ABCD3: variants seen among roughly 807,000 people sequenced by gnomAD.
The protein encoded by ABCD3 is ATP-binding cassette sub-family D member 3.
Under a neutral mutation model 105.5 loss-of-function variants are expected in ABCD3, and 41 were observed. That is an observed-to-expected ratio of 0.39 (90% CI 0.30 to 0.50). The LOEUF (loss-of-function observed/expected upper bound fraction) is 0.50, where lower values mean the gene tolerates loss of function less well. ABCD3 is among the 20% of genes least tolerant of loss of function. The probability of loss-of-function intolerance (pLI) is 0.84; values close to 1 mark genes in which losing one functional copy is unlikely to be tolerated. For missense variants in ABCD3, 622 were observed against 806.3 expected, an observed-to-expected ratio of 0.77 and a Z score of 2.77; for synonymous variants, 258 against 269.0, an observed-to-expected ratio of 0.96 and a Z score of 0.40.
chr1:94,504,223 T>C (rs1008388485), intron 20 of ABCD3, among the ~76,000 whole-genome samples: 1 of 151,866 alleles, frequency 6.6e-6, no homozygotes, highest in African/African-American at 2.4e-5. Flanking sequence ...GTACAAGCAA[T>C]TCTTGTTCCT....
intron 1 of ABCD3, among the ~76,000 whole-genome samples, chr1:94,453,932 T>A: frequency 7.2e-6 from 1 of 139,104 alleles, no homozygotes; most frequent in Non-Finnish European, 1.6e-5. Context: ...GATGCTTGTA[T>A]TATTAATCTT....
rs747584340 is a variant in ABCD3 at position 94,418,443 on chromosome 1, G to GC, written c.-35dup. The GC allele has an allele frequency of 1.9e-6, 3 of 1,549,628 alleles. No individual in the cohort carries two copies. The highest frequency in any genetic ancestry group is 2.7e-5 in the African/African-American group (2 of 73,204). ...GGTAGCCGCCGCCGCCGCCGCCGCC[G>GC]CGTCCCCTCGCCGGCTCGCTGGTAC... On this transcript the variant is annotated 5_prime_UTR_variant, in exon 1 of 23. Transcript: ENST00000370214.
intron 21 of ABCD3, among the ~76,000 whole-genome samples, chr1:94,512,149 G>A (rs547181753): frequency 6.6e-5 from 10 of 152,124 alleles, no homozygotes; most frequent in South Asian, 4.2e-4. Context: ...TTTGGTGACC[G>A]TGATGTACAG....
At chr1:94,443,122 C>G (rs550010799) in intron 1 of ABCD3, among the ~76,000 whole-genome samples, 1 of 152,258 alleles carries the variant, frequency 6.6e-6, no homozygotes, top group Admixed American at 6.5e-5. Context: ...TCCTTGCCAA[C>G]ATCTGTTGTT....
Position 94,474,852 on chromosome 1 carries a change from G to A in ABCD3, c.406-291G>A, listed in dbSNP as rs17111571. 5.3e-3 allele frequency among the ~76,000 whole-genome samples: 806 copies of A among 151,970 alleles called. 9 individuals carry two copies. The highest frequency in any genetic ancestry group is 0.018 in the African/African-American group (759 of 41,486). ...TAAAAGCAAGTCTTTACATTGGCTA[G>A]AAAGGGGATATATTTGACTTTTTGC... On this transcript the variant is annotated intron_variant, in intron 5 of 22. Transcript: ENST00000370214.
At chr1:94,455,090 G>C (rs1570766233) in intron 1 of ABCD3, among the ~76,000 whole-genome samples, 1 of 149,866 alleles carries the variant, frequency 6.7e-6, no homozygotes, top group Admixed American at 6.7e-5. Context: ...TTAAATGGTT[G>C]CTAAGTGATC....
At chr1:94,492,184 G>C (rs1649565140) in intron 16 of ABCD3, among the ~76,000 whole-genome samples, 1 of 152,120 alleles carries the variant, frequency 6.6e-6, no homozygotes. Flanking sequence ...CACAGCTCTA[G>C]AATTCCTCTC....
chr1:94,516,695 A>G (rs1650936474), intron 22 of ABCD3, among the ~76,000 whole-genome samples: 1 of 151,950 alleles, frequency 6.6e-6, no homozygotes, highest in South Asian at 2.1e-4. Context: ...AAGGCTTTGT[A>G]ACTGCTGTTG....
intron 21 of ABCD3, among the ~76,000 whole-genome samples, chr1:94,508,870 T>C (rs1310734555): frequency 1.3e-5 from 2 of 152,206 alleles, no homozygotes; most frequent in Non-Finnish European, 2.9e-5. Context: ...GCTTATCAGC[T>C]TAAGGAAATT....
Position 94,460,905 on chromosome 1 carries a change from A to G in ABCD3, c.147+2262A>G, listed in dbSNP as rs1399328114. On this transcript the variant is annotated intron_variant, in intron 2 of 22. Coordinates refer to ENST00000370214, the MANE Select transcript of ABCD3 (RefSeq NM_002858.4). ...AAATGTTAGTTATCTGAACTTAGTCATATCTCTTATTTGCATATTGGATAT... is the reference window on the plus strand; with the variant it reads ...AAATGTTAGTTATCTGAACTTAGTCGTATCTCTTATTTGCATATTGGATAT... 2.0e-5 allele frequency among the ~76,000 whole-genome samples: 3 copies of G among 152,228 alleles called. No homozygotes were observed. In the East Asian group the frequency reaches 5.8e-4, roughly 29 times the overall value.
intron 1 of ABCD3, among the ~76,000 whole-genome samples, chr1:94,427,549 C>T (rs1659514543): frequency 6.6e-6 from 1 of 152,156 alleles, no homozygotes; most frequent in South Asian, 2.1e-4. Context: ...ATGAATATCA[C>T]CTTCTAATCT....
At chr1:94,429,601 G>A (rs527634168) in intron 1 of ABCD3, among the ~76,000 whole-genome samples, 1 of 152,302 alleles carries the variant, frequency 6.6e-6, no homozygotes, top group Admixed American at 6.5e-5. Context: ...CTCAGGCTGT[G>A]GCTTCAGAGG....
intron 1 of ABCD3, among the ~76,000 whole-genome samples, chr1:94,458,126 A>G (rs1647676032): frequency 6.6e-6 from 1 of 152,164 alleles, no homozygotes. Context: ...CTCATTTGTA[A>G]TATGGGAATG....
At chr1:94,490,048 T>A in intron 15 of ABCD3, 73 bp downstream of exon 15, 1 of 1,348,608 alleles carries the variant, frequency 7.4e-7, no homozygotes, top group Non-Finnish European at 1.1e-6. Context: ...TTTTTCAGCT[T>A]ACAATTGCTT....
the ABCD3 span, among the ~76,000 whole-genome samples, chr1:94,388,333 T>G: frequency 6.6e-6 from 1 of 152,220 alleles, no homozygotes; most frequent in Non-Finnish European, 1.5e-5. Flanking sequence ...AAAGGGTATA[T>G]GTAGCTAGAT....
chr1:94,473,131 C>T lies in ABCD3; in HGVS notation c.336-635C>T, dbSNP rs142076993. Among the ~76,000 whole-genome samples the T allele has an allele frequency of 8.3e-3, 1,264 of 152,236 alleles. 20 individuals are homozygous for T. The highest frequency in any genetic ancestry group is 0.029 in the African/African-American group (1,194 of 41,552). ...GATCCATTCTGGGCTCTGATCTATG[C>T]GTTAGTCCCAGTATTGGCAAACTAG... On this transcript the variant is annotated intron_variant, in intron 4 of 22. Coordinates refer to ENST00000370214, the MANE Select transcript of ABCD3 (RefSeq NM_002858.4).
At chr1:94,440,536 G>T (rs181728243) in intron 1 of ABCD3, among the ~76,000 whole-genome samples, 5 of 152,338 alleles carry the variant, frequency 3.3e-5, no homozygotes, top group Admixed American at 2.6e-4. Flanking sequence ...CTTGCTTACA[G>T]TGCTGTTTAC....
At chr1:94,422,203 G>A (rs1209915628) in intron 1 of ABCD3, among the ~76,000 whole-genome samples, 1 of 152,196 alleles carries the variant, frequency 6.6e-6, no homozygotes, top group Non-Finnish European at 1.5e-5. Flanking sequence ...CCCGGGCTGT[G>A]GACTGGTACA....
At chr1:94,433,301 T>C (rs1394552807) in intron 1 of ABCD3, among the ~76,000 whole-genome samples, 1 of 152,018 alleles carries the variant, frequency 6.6e-6, no homozygotes, top group African/African-American at 2.4e-5. Context: ...ATTACAGGCA[T>C]GTGCCACCAT....
Sources: gnomAD v4.1 joint callset for allele counts (sites outside exome capture counted in the v4.1 genomes callset) on GRCh38, gnomAD v4.1.1 for gene constraint, MANE v1.5 for transcripts, NCBI Gene and HGNC (gene_info 2026-07-23, HGNC 2026-07-21) for gene names.